Variants in TASP1 observed in about 807,000 individuals in gnomAD.
TASP1 encodes the protein threonine aspartase 1.
Under a neutral mutation model 56.6 loss-of-function variants are expected in TASP1, and 16 were observed. That is an observed-to-expected ratio of 0.28 (90% CI 0.19 to 0.43). The LOEUF (loss-of-function observed/expected upper bound fraction) is 0.43. TASP1 is among the 20% of genes least tolerant of loss of function. The pLI, the probability that TASP1 is intolerant of heterozygous loss-of-function variation, is 1.00. For synonymous variants in TASP1, 179 were observed against 184.2 expected (o/e 0.97, Z 0.23); for missense variants, 393 against 511.6 (o/e 0.77, Z 2.24).
intron 10 of TASP1, among the ~76,000 whole-genome samples, chr20:13,526,476 A>G (rs1236777761): frequency 6.6e-6 from 1 of 152,216 alleles, no homozygotes; most frequent in Non-Finnish European, 1.5e-5. Flanking sequence ...TGTAAACATT[A>G]TGCATCAAGG....
intron 11 of TASP1, among the ~76,000 whole-genome samples, chr20:13,435,795 T>C (rs536631471): frequency 5.3e-5 from 8 of 152,136 alleles, no homozygotes; most frequent in Non-Finnish European, 1.2e-4. Flanking sequence ...TTCAAACATC[T>C]GGCATAGCAA....
At chr20:13,580,225 T>C (rs144934499) in intron 6 of TASP1, among the ~76,000 whole-genome samples, 4,833 of 152,306 alleles carry the variant, frequency 0.032, 107 homozygotes, top group Middle Eastern at 0.051. Context: ...GGCAGGAGGA[T>C]TGCTTGAGTC....
the TASP1 span, among the ~76,000 whole-genome samples, chr20:13,157,332 G>A: frequency 1.3e-5 from 2 of 152,062 alleles, no homozygotes; most frequent in Admixed American, 1.3e-4. Context: ...AGCTACTTGG[G>A]AGATTGAGGC....
rs377726349 is a variant in TASP1 at position 13,460,396 on chromosome 20, A to G, written c.985+22831T>C. Among the ~76,000 whole-genome samples, 9 of 152,198 alleles carry G rather than the reference A, an allele frequency of 5.9e-5. No homozygotes were observed. In the South Asian group the frequency reaches 1.9e-3, roughly 32 times the overall value. ...CTTTGGAATGTTCCAGAGCTCTTCA[A>G]GGTCTTCTTTTATCTGCATCGATTT... On this transcript the variant is annotated intron_variant, in intron 11 of 13. Transcript: ENST00000337743.
the TASP1 span, among the ~76,000 whole-genome samples, chr20:13,155,045 G>A: frequency 6.6e-6 from 1 of 152,062 alleles, no homozygotes; most frequent in African/African-American, 2.4e-5. Context: ...GGTGGGCATG[G>A]TGGTGCATGC....
intron 8 of TASP1, among the ~76,000 whole-genome samples, chr20:13,537,575 C>T (rs915016072): frequency 6.6e-6 from 1 of 152,132 alleles, no homozygotes; most frequent in African/African-American, 2.4e-5. Flanking sequence ...GCTACTATTA[C>T]ACTCTTACAC....
rs368218746 is a variant in TASP1, at chr20:13,475,661, G to A, written c.985+7566C>T. 5.3e-5 allele frequency among the ~76,000 whole-genome samples: 8 copies of A among 152,194 alleles called. 1 individual carries two copies. In the South Asian group the frequency reaches 8.3e-4, roughly 16 times the overall value. ...TGTAATCCCAGCACTTTGGGAGGCC[G>A]AGGTTGGGGGATCACCTGAGGTCAG... On this transcript the variant is annotated intron_variant, in intron 11 of 13. Transcript: ENST00000337743.
the TASP1 span, among the ~76,000 whole-genome samples, chr20:13,256,395 CAAAA>C: frequency 0.022 from 1,602 of 71,728 alleles, 11 homozygotes; most frequent in Middle Eastern, 0.058. Flanking sequence ...GACCCCGTCT[CAAAA>C]AAAAAAAAAA....
the TASP1 span, among the ~76,000 whole-genome samples, chr20:13,134,573 C>T: frequency 1.0e-3 from 159 of 152,152 alleles, no homozygotes; most frequent in Admixed American, 2.3e-3. Context: ...TTACCTGGGG[C>T]TTGTTAGAAC....
At chr20:13,268,398 C>G in the TASP1 span, among the ~76,000 whole-genome samples, 1 of 111,400 alleles carries the variant, frequency 9.0e-6, no homozygotes, top group African/African-American at 3.8e-5. Flanking sequence ...CTCTCTCTCT[C>G]TCTCTCCATG....
At chr20:13,606,126 T>G (rs1349834395) in intron 4 of TASP1, among the ~76,000 whole-genome samples, 3 of 107,928 alleles carry the variant, frequency 2.8e-5, no homozygotes, top group Non-Finnish European at 5.3e-5. Flanking sequence ...AGACTGCATG[T>G]GTGTGCGTGC....
chr20:13,392,834 G>A (rs1348542276), intron 13 of TASP1: 5 of 657,084 alleles, frequency 7.6e-6, no homozygotes, highest in Non-Finnish European at 1.4e-5. Context: ...TCCACCCATG[G>A]CAAATCCCAT....
At chr20:13,554,335 T>C (rs2046081887) in intron 8 of TASP1, among the ~76,000 whole-genome samples, 2 of 152,298 alleles carry the variant, frequency 1.3e-5, no homozygotes, top group South Asian at 4.1e-4. Flanking sequence ...GCCAAAAGCA[T>C]TCCATGGATT....
chr20:13,536,437 T>C lies in TASP1; in HGVS notation c.676-2296A>G, dbSNP rs1003929918. Among the ~76,000 whole-genome samples the C allele has an allele frequency of 2.0e-4, 30 of 152,358 alleles. No homozygotes were observed. The Middle Eastern group carries it at 0.02, about 104-fold the overall frequency. ...TGACAGCATATCACCACTATTATAC[T>C]ACATGGATTTGGTATCTATATTTTA... On this transcript the variant is annotated intron_variant, in intron 8 of 13. Transcript: ENST00000337743.
intron 8 of TASP1, among the ~76,000 whole-genome samples, chr20:13,538,806 G>A (rs531292841): frequency 4.0e-4 from 61 of 152,238 alleles, no homozygotes; most frequent in Non-Finnish European, 7.5e-4. Context: ...ACTTTGGGAC[G>A]CCAAGGTGGG....
chr20:13,442,598 T>A (rs371780385), intron 11 of TASP1, among the ~76,000 whole-genome samples: 1 of 151,322 alleles, frequency 6.6e-6, no homozygotes, highest in East Asian at 1.9e-4. Flanking sequence ...GCCGATATCG[T>A]GCCCCCGCCC....
intron 6 of TASP1, among the ~76,000 whole-genome samples, chr20:13,576,334 A>AAAGAAAGG (rs1194421122): frequency 7.5e-5 from 10 of 134,058 alleles, no homozygotes; most frequent in African/African-American, 2.6e-4. Context: ...AAAGAGAAAG[A>AAAGAAAGG]AAGAAAGGAA....
chr20:13,499,718 T>C (rs546106002), intron 10 of TASP1, among the ~76,000 whole-genome samples: 5 of 151,844 alleles, frequency 3.3e-5, no homozygotes, highest in South Asian at 2.1e-4. Flanking sequence ...TTCTTGAGAA[T>C]TTCTCCTGTG....
chr20:13,506,904 G>T (rs1195936108), intron 10 of TASP1, among the ~76,000 whole-genome samples: 4 of 149,532 alleles, frequency 2.7e-5, no homozygotes, highest in African/African-American at 1.0e-4. Context: ...AAAAGAGAGA[G>T]AATTTTGGTA....
Sources: gnomAD v4.1 joint callset for allele counts (sites outside exome capture counted in the v4.1 genomes callset) on GRCh38, gnomAD v4.1.1 for gene constraint, MANE v1.5 for transcripts, NCBI Gene and HGNC (gene_info 2026-07-23, HGNC 2026-07-21) for gene names.